The following UBR7 variants were observed in gnomAD, a reference collection of about 807,000 sequenced individuals.
UBR7 encodes ubiquitin protein ligase E3 component n-recognin 7, also known as putative E3 ubiquitin-protein ligase UBR7.
Under a neutral mutation model 57.0 loss-of-function variants are expected in UBR7, and 22 were observed. The observed-to-expected ratio is 0.39, with a 90% CI of 0.28 to 0.55. The LOEUF is 0.55. Among genes scored for constraint, UBR7 ranks in the 20% least tolerant of loss-of-function variants. The probability of loss-of-function intolerance (pLI) is 0.69; values close to 1 mark genes in which losing one functional copy is unlikely to be tolerated. For synonymous variants in UBR7, 167 were observed against 179.8 expected, an observed-to-expected ratio of 0.93 and a Z score of 0.57; for missense variants, 395 against 513.2, an observed-to-expected ratio of 0.77 and a Z score of 2.23.
chr14:93,229,033 A>G lies in UBR7; in HGVS notation c.*1998A>G, dbSNP rs1334507451. Reference sequence around the variant, plus strand: ...ACTGTATTGGACTGTCTCTTCTTGTAGAGACTGATTTTGGCCAACATATTA... The same window carrying G: ...ACTGTATTGGACTGTCTCTTCTTGTGGAGACTGATTTTGGCCAACATATTA... On this transcript the variant is annotated 3_prime_UTR_variant, in exon 11 of 11. Transcript: ENST00000013070. 2 of 432,056 alleles carry G rather than the reference A, an allele frequency of 4.6e-6. No individual in the cohort carries two copies. The highest frequency in any genetic ancestry group is 5.2e-5 in the Admixed American group (2 of 38,736). 26.8% of individuals were successfully genotyped at this position (432,056 alleles called of 1,614,324 possible). A position where few individuals can be genotyped will look rare whatever the true frequency, so the allele number is the denominator to read the frequency against.
Position 93,219,371 on chromosome 14 carries a change from CTGAT to C in UBR7, c.960+13_960+16del, listed in dbSNP as rs1201596904. On this transcript the variant is annotated intron_variant, in intron 8 of 10. Transcript: ENST00000013070. Reference sequence around the variant, plus strand: ...CTGCCAAGACTGTATGGTAAAGTATCTGATTGTGCTCAGTGTTAGCATGTTTTGT... The same window carrying C: ...CTGCCAAGACTGTATGGTAAAGTATCTGTGCTCAGTGTTAGCATGTTTTGT... The C allele has an allele frequency of 5.6e-6, 9 of 1,614,176 alleles. No homozygotes were observed. The highest frequency in any genetic ancestry group is 1.1e-5 in the South Asian group (1 of 91,088).
rs774845091 is a variant in UBR7 at position 93,220,294 on chromosome 14, G to A, written c.1006G>A (p.Asp336Asn). Residue 336 changes from aspartate to asparagine, a missense_variant, in exon 9 of 11, where the codon GAC (aspartate) becomes AAC (asparagine). Physicochemically the swap from Asp to Asn is conservative, Grantham distance 23. Coordinates refer to ENST00000013070, the MANE Select transcript of UBR7 (RefSeq NM_175748.4). Reference protein sequence around the residue: ...LDVLFLTDEYDTVLAYENKGK... With the variant: ...LDVLFLTDEYNTVLAYENKGK... ...TGTCTTATTCCTGACAGATGAATACGACACAGTTCTGGCTTATGAAAACAA... is the reference window on the plus strand; with the variant it reads ...TGTCTTATTCCTGACAGATGAATACAACACAGTTCTGGCTTATGAAAACAA... 4.4e-6 allele frequency: 7 copies of A among 1,604,594 alleles called. No individual in the cohort carries two copies. The highest frequency in any genetic ancestry group is 1.4e-5 in the African/African-American group (1 of 71,698).
chr14:93,216,339 C>T (rs540977178), intron 6 of UBR7, among the ~76,000 whole-genome samples: 60 of 152,308 alleles, frequency 3.9e-4, no homozygotes, highest in African/African-American at 1.3e-3. Flanking sequence ...AGCCACCATG[C>T]CCAGTCTATC....
chr14:93,220,360 A>C lies in UBR7; in HGVS notation c.1072A>C (p.Met358Leu). The C allele has an allele frequency of 6.2e-7, 1 of 1,614,048 alleles. No individual in the cohort carries two copies. The highest frequency in any genetic ancestry group is 8.5e-7 in the Non-Finnish European group (1 of 1,180,006). ...AQATDRSDPLMDTLSSMNRVQ... is the reference protein window; with the variant it reads ...AQATDRSDPLLDTLSSMNRVQ... ...GGCCACTGACAGGAGCGATCCCCTA[A>C]TGGATACCCTTAGCAGCATGAATAG... The change falls in exon 9 of 11, where the codon ATG (methionine) becomes CTG (leucine). Residue 358 changes from methionine to leucine, a missense_variant. Coordinates refer to ENST00000013070, the MANE Select transcript of UBR7 (RefSeq NM_175748.4).
chr14:93,215,230 G>A lies in UBR7; in HGVS notation c.550G>A (p.Ala184Thr), dbSNP rs757687404. The A allele has an allele frequency of 3.1e-6, 5 of 1,591,256 alleles. No homozygotes were observed. The highest frequency in any genetic ancestry group is 1.6e-4 in the Middle Eastern group (1 of 6,064). ...SGDFQEMVCQ[A>T]CMKRCSFLWA... is the part of the protein sequence containing the mutation. ...GGATTTTCAGGAGATGGTATGCCAG[G>A]CCTGCATGAAACGTTGTTCTTTTTT... The change falls in exon 6 of 11, where the codon GCC becomes ACC. Residue 184 changes from alanine to threonine, a missense_variant. Ala to Thr is a moderately conservative substitution (Grantham distance 58, BLOSUM62 0). Transcript: ENST00000013070.
At chr14:93,220,855 C>T (rs960694286) in intron 9 of UBR7, among the ~76,000 whole-genome samples, 1 of 151,964 alleles carries the variant, frequency 6.6e-6, no homozygotes, top group Non-Finnish European at 1.5e-5. Flanking sequence ...GCAGGCCAAA[C>T]TTATTTCAGT....
At chr14:93,208,618 G>A (rs1365743990) in intron 1 of UBR7, among the ~76,000 whole-genome samples, 1 of 151,660 alleles carries the variant, frequency 6.6e-6, no homozygotes, top group African/African-American at 2.4e-5. Flanking sequence ...AAAGGAAAGT[G>A]TGCGTGTTCC....
chr14:93,217,905 G>A (rs1320586323), intron 6 of UBR7, among the ~76,000 whole-genome samples: 1 of 151,812 alleles, frequency 6.6e-6, no homozygotes, highest in Non-Finnish European at 1.5e-5. Context: ...AGACCAGCCT[G>A]ACCAACATGG....
chr14:93,226,270 C>T (rs924211117), intron 10 of UBR7, among the ~76,000 whole-genome samples: 34 of 152,300 alleles, frequency 2.2e-4, no homozygotes, highest in East Asian at 3.9e-4. Context: ...AATTCATTCA[C>T]GTGCTCTATT....
Position 93,215,022 on chromosome 14 carries a change from C to G in UBR7, c.495+40C>G, listed in dbSNP as rs768748575. On this transcript the variant is annotated intron_variant, in intron 5 of 10. Coordinates refer to ENST00000013070, the MANE Select transcript of UBR7 (RefSeq NM_175748.4). ...CCACCTTTTGAAACCATTGTTGTCA[C>G]AAAAAGATAAAGGTTATATTTTACA... 3.2e-6 allele frequency: 5 copies of G among 1,574,984 alleles called. No homozygotes were observed. The Admixed American group carries it at 6.8e-5, about 21-fold the overall frequency.
intron 1 of UBR7, among the ~76,000 whole-genome samples, chr14:93,207,652 C>T (rs1894393096): frequency 6.6e-6 from 1 of 152,198 alleles, no homozygotes; most frequent in Admixed American, 6.5e-5. Context: ...CAGGGGCCCC[C>T]CTCTCCCCTG....
At chr14:93,223,428 C>T (rs892035833) in intron 10 of UBR7, among the ~76,000 whole-genome samples, 4 of 147,264 alleles carry the variant, frequency 2.7e-5, no homozygotes, top group African/African-American at 1.0e-4. Context: ...CTGGGCATGG[C>T]GGCTTGTACC....
In UBR7 at chr14:93,207,437, C is replaced by T. The variant is rs756307413; in HGVS notation, c.146C>T (p.Ser49Phe). Residue 49 changes from serine to phenylalanine, a missense_variant, in exon 1 of 11, where the codon TCT (serine) becomes TTT (phenylalanine). By Grantham distance (155) the Ser-to-Phe change is radical (BLOSUM62 -2). Coordinates refer to ENST00000013070, the MANE Select transcript of UBR7 (RefSeq NM_175748.4). The stretch of plus-strand genomic sequence containing the variant: ...AGCGACTCCGAGAAGTGCTCCTACT[C>T]TCAGGTGGGCGCGCGGCCCGGGCCT... ...GGSDSEKCSYSQGSVKRQALY... is the reference protein window; with the variant it reads ...GGSDSEKCSYFQGSVKRQALY... 1.3e-6 allele frequency: 2 copies of T among 1,550,136 alleles called. No homozygotes were observed. The highest frequency in any genetic ancestry group is 1.7e-6 in the Non-Finnish European group (2 of 1,150,040).
chr14:93,218,470 G>A, intron 6 of UBR7, 57 bp from the exon 7 acceptor site: 12 of 1,411,858 alleles, frequency 8.5e-6, no homozygotes, highest in South Asian at 1.2e-5. Context: ...GGATTTTATT[G>A]TCCGTTAGGT....
intron 9 of UBR7, 142 bp from the exon 10 acceptor site, chr14:93,222,171 G>A (rs1028508020): frequency 3.1e-5 from 20 of 645,698 alleles, no homozygotes; most frequent in Admixed American, 2.5e-5. Context: ...ATTTGGGAAC[G>A]AGTTTCTATG....
At chr14:93,211,887 G>GTTT in intron 3 of UBR7, 145 bp from the exon 4 acceptor site, 1 of 610,496 alleles carries the variant, frequency 1.6e-6, no homozygotes, top group Non-Finnish European at 2.7e-6. Context: ...GTGGTAGTGA[G>GTTT]TTTTTTTTTT....
Position 93,220,268 on chromosome 14 carries a change from A to G in UBR7, c.980A>G (p.Asp327Gly). 6.3e-7 allele frequency: 1 copy of G among 1,586,122 alleles called. No individual in the cohort carries two copies. Among genetic ancestry groups the G allele is most frequent in the Non-Finnish European group, 8.5e-7 (1 of 1,170,368 alleles). The part of the protein sequence containing the change: ...QDCMKMYGDL[D>G]VLFLTDEYDT... ...CTAAAGAAAATGTATGGAGATCTAGATGTCTTATTCCTGACAGATGAATAC... is the reference window on the plus strand; with the variant it reads ...CTAAAGAAAATGTATGGAGATCTAGGTGTCTTATTCCTGACAGATGAATAC... The change falls in exon 9 of 11, where the codon GAT becomes GGT. Residue 327 changes from aspartate to glycine, a missense_variant. By Grantham distance (94) the Asp-to-Gly change is moderately conservative. Transcript: ENST00000013070.
rs552164410 is a variant in UBR7 at position 93,228,828 on chromosome 14, C to A, written c.*1793C>A. On this transcript the variant is annotated 3_prime_UTR_variant, in exon 11 of 11. Transcript: ENST00000013070. ...GATGTAACTACCAGAAAGTCCCTTACTTCCTATGACCAATCAGGACCAAGT... is the reference window on the plus strand; with the variant it reads ...GATGTAACTACCAGAAAGTCCCTTAATTCCTATGACCAATCAGGACCAAGT... The A allele has an allele frequency of 5.1e-5, 23 of 454,170 alleles. 1 individual carries two copies. Among genetic ancestry groups the A allele is most frequent in the South Asian group, 3.6e-4 (23 of 64,478 alleles). 28.1% of individuals were successfully genotyped at this position (454,170 alleles called of 1,614,324 possible). A position where few individuals can be genotyped will look rare whatever the true frequency, so the allele number is the denominator to read the frequency against.
At chr14:93,210,195 T>G (rs1221316568) in intron 2 of UBR7, among the ~76,000 whole-genome samples, 2 of 152,062 alleles carry the variant, frequency 1.3e-5, no homozygotes, top group Non-Finnish European at 2.9e-5. Context: ...GCCATTCTCC[T>G]GCCTCAGCCT....
Sources: allele counts gnomAD v4.1 joint callset (sites outside exome capture counted in the v4.1 genomes callset), GRCh38; gene constraint gnomAD v4.1.1; transcripts MANE v1.5; gene names NCBI Gene and HGNC (gene_info 2026-07-23, HGNC 2026-07-21).